The following MCC variants were observed in gnomAD, a reference collection of about 807,000 sequenced individuals.
MCC encodes the protein MCC regulator of Wnt signaling pathway, also known as colorectal mutant cancer protein.
In MCC, 90 loss-of-function variants were observed where a neutral mutation model predicts 116.2. The observed-to-expected ratio is 0.77, with a 90% CI of 0.65 to 0.92. The LOEUF (loss-of-function observed/expected upper bound fraction) is 0.92. MCC is among the 40% of genes least tolerant of loss of function. The pLI, the probability that MCC is intolerant of heterozygous loss-of-function variation, is 0.00. For synonymous variants in MCC, 578 were observed against 510.5 expected, an observed-to-expected ratio of 1.13 and a Z score of -1.78; for missense variants, 1,516 against 1,312.2, an observed-to-expected ratio of 1.16 and a Z score of -2.40.
At chr5:113,219,355 C>G (rs528029544) in intron 3 of MCC, among the ~76,000 whole-genome samples, 52 of 152,322 alleles carry the variant, frequency 3.4e-4, no homozygotes, top group Admixed American at 1.3e-4. Flanking sequence ...GCCCTGAACT[C>G]CTGTGAGGAC....
At chr5:113,482,078 A>G (rs1772395256) in intron 1 of MCC, among the ~76,000 whole-genome samples, 1 of 152,200 alleles carries the variant, frequency 6.6e-6, no homozygotes, top group East Asian at 1.9e-4. Flanking sequence ...CATCCTTGTT[A>G]TAGCATGTAT....
At chr5:113,066,258 C>A (rs551143321) in intron 13 of MCC, among the ~76,000 whole-genome samples, 3 of 152,306 alleles carry the variant, frequency 2.0e-5, no homozygotes, top group Non-Finnish European at 4.4e-5. Context: ...GGTTAAGACA[C>A]TCCGCTGATA....
intron 3 of MCC, among the ~76,000 whole-genome samples, chr5:113,284,474 T>C (rs948649629): frequency 6.6e-6 from 1 of 152,232 alleles, no homozygotes; most frequent in African/African-American, 2.4e-5. Context: ...AATTACAGAA[T>C]ATTCCAAAAC....
intron 3 of MCC, among the ~76,000 whole-genome samples, chr5:113,256,672 C>A (rs1340779101): frequency 6.6e-6 from 1 of 152,072 alleles, no homozygotes; most frequent in African/African-American, 2.4e-5. Flanking sequence ...CACTTCTGGA[C>A]ATGTTGACCT....
chr5:113,458,246 C>T (rs1238651617), intron 1 of MCC, among the ~76,000 whole-genome samples: 1 of 152,166 alleles, frequency 6.6e-6, no homozygotes, highest in African/African-American at 2.4e-5. Context: ...TGAGCTGTAA[C>T]ACTCACTGCG....
At chr5:113,161,490 T>C (rs958387362) in intron 3 of MCC, among the ~76,000 whole-genome samples, 2 of 152,186 alleles carry the variant, frequency 1.3e-5, no homozygotes, top group Non-Finnish European at 2.9e-5. Context: ...AAACAGTCAA[T>C]AAACTCCACA....
At chr5:113,390,419 C>T (rs1769373744) in intron 1 of MCC, among the ~76,000 whole-genome samples, 1 of 152,162 alleles carries the variant, frequency 6.6e-6, no homozygotes, top group South Asian at 2.1e-4. Flanking sequence ...ATATTTAGCT[C>T]TTAGAGAACA....
At chr5:113,431,363 G>C (rs748483101) in intron 1 of MCC, among the ~76,000 whole-genome samples, 2 of 152,038 alleles carry the variant, frequency 1.3e-5, no homozygotes, top group Non-Finnish European at 2.9e-5. Flanking sequence ...GAGTTGGCAG[G>C]GCCTTTCTCT....
intron 3 of MCC, among the ~76,000 whole-genome samples, chr5:113,236,033 C>T (rs1764116818): frequency 6.6e-6 from 1 of 152,096 alleles, no homozygotes; most frequent in Non-Finnish European, 1.5e-5. Context: ...GGTCGGATTT[C>T]CTCATGTTCA....
intron 1 of MCC, among the ~76,000 whole-genome samples, chr5:113,447,337 T>C (rs1771252691): frequency 6.6e-6 from 1 of 152,204 alleles, no homozygotes; most frequent in Admixed American, 6.5e-5. Flanking sequence ...GGAGTATAAA[T>C]TTTTTCAATT....
chr5:113,442,905 T>C (rs1307553909), intron 1 of MCC, among the ~76,000 whole-genome samples: 2 of 152,344 alleles, frequency 1.3e-5, no homozygotes, highest in Admixed American at 1.3e-4. Flanking sequence ...ACTGTAGCCT[T>C]GTAGTATAGT....
chr5:113,319,470 C>T (rs1767366177), intron 3 of MCC, among the ~76,000 whole-genome samples: 1 of 152,180 alleles, frequency 6.6e-6, no homozygotes, highest in Admixed American at 6.5e-5. Context: ...CCTGTATTCA[C>T]TGTGTCTTCC....
rs377659099 is a variant in MCC, at chr5:113,312,882, T to G, written c.627+27637A>C. Among the ~76,000 whole-genome samples, 8 of 152,308 alleles carry G rather than the reference T, an allele frequency of 5.3e-5. No individual in the cohort carries two copies. In the South Asian group the frequency reaches 1.7e-3, roughly 32 times the overall value. On this transcript the variant is annotated intron_variant, in intron 3 of 18. Transcript: ENST00000408903. ...TTTCAGTTGGGAATAAATAAATGATTGAGAGATTAAATGAATGAATGAGCC... is the reference window on the plus strand; with the variant it reads ...TTTCAGTTGGGAATAAATAAATGATGGAGAGATTAAATGAATGAATGAGCC...
At chr5:113,147,221 A>G (rs772968184) in intron 4 of MCC, among the ~76,000 whole-genome samples, 5 of 152,198 alleles carry the variant, frequency 3.3e-5, no homozygotes, top group Non-Finnish European at 7.3e-5. Flanking sequence ...AATAAAAACA[A>G]GCAACATCGT....
chr5:113,467,101 T>A (rs1364525912), intron 1 of MCC, among the ~76,000 whole-genome samples: 16 of 150,836 alleles, frequency 1.1e-4, no homozygotes, highest in Non-Finnish European at 2.4e-4. Flanking sequence ...GTCAGATGAG[T>A]AGGTTGCAAA....
chr5:113,238,607 G>A (rs1764238342), intron 3 of MCC, among the ~76,000 whole-genome samples: 1 of 152,170 alleles, frequency 6.6e-6, no homozygotes, highest in Admixed American at 6.5e-5. Context: ...CAAAAATGAA[G>A]GCTGTTAATG....
chr5:113,215,432 T>C (rs1429530480), intron 3 of MCC, among the ~76,000 whole-genome samples: 1 of 152,200 alleles, frequency 6.6e-6, no homozygotes, highest in Non-Finnish European at 1.5e-5. Context: ...CCCTTCAAAA[T>C]TGAGGTATTG....
At chr5:113,188,375 C>T (rs1322846734) in intron 3 of MCC, among the ~76,000 whole-genome samples, 1 of 152,138 alleles carries the variant, frequency 6.6e-6, no homozygotes, top group Non-Finnish European at 1.5e-5. Flanking sequence ...AAATAAGAAA[C>T]ACAGAGTCAC....
At chr5:113,150,101 G>C (rs1391369612) in intron 4 of MCC, among the ~76,000 whole-genome samples, 2 of 152,106 alleles carry the variant, frequency 1.3e-5, no homozygotes, top group African/African-American at 4.8e-5. Context: ...AAACTGCTGG[G>C]AGTGGAAACA....
Sources: allele counts gnomAD v4.1 joint callset (sites outside exome capture counted in the v4.1 genomes callset), GRCh38; gene constraint gnomAD v4.1.1; transcripts MANE v1.5; gene names NCBI Gene and HGNC (gene_info 2026-07-23, HGNC 2026-07-21).